Variants in EPB41L1 observed in about 807,000 individuals in gnomAD.
EPB41L1 encodes erythrocyte membrane protein band 4.1 like 1.
In EPB41L1, 29 loss-of-function variants were observed where a neutral mutation model predicts 97.8. The ratio of observed to expected loss-of-function variants is 0.30; its 90% CI spans 0.22 to 0.40. The LOEUF (loss-of-function observed/expected upper bound fraction) is 0.40, where lower values mean the gene tolerates loss of function less well. Among genes scored for constraint, EPB41L1 ranks in the 10% least tolerant of loss-of-function variants. EPB41L1 has a pLI of 1.00. For missense variants in EPB41L1, 812 were observed against 1,162.3 expected, an observed-to-expected ratio of 0.70 and a Z score of 4.38; for synonymous variants, 383 against 459.2, an observed-to-expected ratio of 0.83 and a Z score of 2.12.
rs2064435316 is a variant in EPB41L1, at chr20:36,230,321, T to C, written c.*981T>C. The C allele has an allele frequency of 6.6e-6, 1 of 152,562 alleles. No homozygotes were observed. The highest frequency in any genetic ancestry group is 1.5e-5 in the Non-Finnish European group (1 of 68,040). The allele number at this position is 152,562 out of a possible 1,614,324, so 9.5% of individuals were successfully genotyped here. On this transcript the variant is annotated 3_prime_UTR_variant, in exon 22 of 22. Transcript: ENST00000338074. Reference sequence around the variant, plus strand: ...CAGGAAAAAATATTAAAATAAACAGTGCTGGTAAGTATGAAGCTGACATTC... The same window carrying C: ...CAGGAAAAAATATTAAAATAAACAGCGCTGGTAAGTATGAAGCTGACATTC...
intron 6 of EPB41L1, among the ~76,000 whole-genome samples, chr20:36,184,314 T>C (rs1473353611): frequency 6.6e-6 from 1 of 152,066 alleles, no homozygotes; most frequent in Non-Finnish European, 1.5e-5. Context: ...GGAGGCATCG[T>C]TGGCTAAAAA....
At chr20:36,111,084 C>G (rs1363940330) in intron 1 of EPB41L1, among the ~76,000 whole-genome samples, 6 of 152,162 alleles carry the variant, frequency 3.9e-5, no homozygotes, top group Admixed American at 3.9e-4. Flanking sequence ...CTGAGCTGTT[C>G]ACAGGCATCA....
intron 1 of EPB41L1, among the ~76,000 whole-genome samples, chr20:36,098,465 T>C (rs1006671624): frequency 2.0e-5 from 3 of 152,216 alleles, no homozygotes; most frequent in Non-Finnish European, 4.4e-5. Context: ...ATCTGTTTCC[T>C]GCCTTTCTCC....
intron 5 of EPB41L1, among the ~76,000 whole-genome samples, chr20:36,181,935 C>T (rs1377489627): frequency 6.6e-6 from 1 of 152,164 alleles, no homozygotes; most frequent in Admixed American, 6.5e-5. Context: ...GTGTCTTCAT[C>T]TATAAAATGG....
At chr20:36,105,475 C>CG (rs1360870699) in intron 1 of EPB41L1, among the ~76,000 whole-genome samples, 1 of 152,124 alleles carries the variant, frequency 6.6e-6, no homozygotes, top group African/African-American at 2.4e-5. Context: ...GCCCATTGAG[C>CG]GGGCCTGTTT....
Position 36,232,314 on chromosome 20 carries a change from T to G in EPB41L1, c.*2974T>G. ...TAGTGGAAAAAGTCCCTGAGGGCGG[T>G]TAGGAGTTCTGGGTGACCATCCTGG... On this transcript the variant is annotated 3_prime_UTR_variant, in exon 22 of 22. Transcript: ENST00000338074. 1 of 305,284 alleles carries G rather than the reference T, an allele frequency of 3.3e-6. No homozygotes were observed. The highest frequency in any genetic ancestry group is 6.0e-6 in the Non-Finnish European group (1 of 167,946). The allele number at this position is 305,284 out of a possible 1,614,324, so 18.9% of individuals were successfully genotyped here. A position where few individuals can be genotyped will look rare whatever the true frequency, so the allele number is the denominator to read the frequency against.
In EPB41L1 at chr20:36,092,046, T is replaced by A. The variant is rs574596749; in HGVS notation, c.-65+434T>A. Among the ~76,000 whole-genome samples, 1 of 152,056 alleles carries A rather than the reference T, an allele frequency of 6.6e-6. No homozygotes were observed. The highest frequency in any genetic ancestry group is 2.4e-5 in the African/African-American group (1 of 41,416). ...ATCCCAGAGCCAGGGACTCAGCCCT[T>A]GGAGAGTCCCCAGAGAGTCCAGAGG... On this transcript the variant is annotated intron_variant, in intron 1 of 19. Transcript: ENST00000202028. The surrounding 1 kb of genome is among the most constrained non-coding windows in gnomAD (Gnocchi z 7.0).
chr20:36,223,954 C>T (rs1225637540), intron 21 of EPB41L1, among the ~76,000 whole-genome samples: 1 of 152,162 alleles, frequency 6.6e-6, no homozygotes, highest in Non-Finnish European at 1.5e-5. Flanking sequence ...TTGCCCTTTT[C>T]CTTGAATGAA....
At chr20:36,115,951 C>A (rs1306479177) in intron 2 of EPB41L1, among the ~76,000 whole-genome samples, 3 of 152,034 alleles carry the variant, frequency 2.0e-5, no homozygotes, top group Admixed American at 6.6e-5. Flanking sequence ...TGTTATTGTC[C>A]CCATTTTCCA....
intron 2 of EPB41L1, among the ~76,000 whole-genome samples, chr20:36,118,641 C>T (rs1444682563): frequency 2.0e-5 from 3 of 151,912 alleles, no homozygotes; most frequent in South Asian, 2.1e-4. Flanking sequence ...CATTTTATGG[C>T]GTATGAATTA....
intron 2 of EPB41L1, chr20:36,125,510 A>G: frequency 6.7e-7 from 1 of 1,497,520 alleles, no homozygotes; most frequent in Middle Eastern, 1.7e-4. Flanking sequence ...CCTAGCACCT[A>G]CTGAGCGCTC....
rs533056684 is a variant in EPB41L1 at position 36,225,704 on chromosome 20, T to C, written c.2637+3310T>C. Among the ~76,000 whole-genome samples, 109 of 152,084 alleles carry C rather than the reference T, an allele frequency of 7.2e-4. 2 individuals are homozygous for C. The highest frequency in any genetic ancestry group is 1.2e-3 in the Admixed American group (19 of 15,258). On this transcript the variant is annotated intron_variant, in intron 21 of 21. Coordinates refer to ENST00000338074, the MANE Select transcript of EPB41L1 (RefSeq NM_012156.2). ...GCTTTCCTGGGGTATCTGTTGTGCT[T>C]TTCTCATCTCTTCTCCATTCCCTCT...
intron 14 of EPB41L1, among the ~76,000 whole-genome samples, chr20:36,198,842 C>G (rs1282819700): frequency 6.6e-6 from 1 of 152,138 alleles, no homozygotes; most frequent in Non-Finnish European, 1.5e-5. Context: ...TGAATTCTGG[C>G]TCCGCTGCCT....
chr20:36,195,433 A>C lies in EPB41L1; in HGVS notation c.1485+69A>C. 1 of 1,562,844 alleles carries C rather than the reference A, an allele frequency of 6.4e-7. No homozygotes were observed. Among genetic ancestry groups the C allele is most frequent in the Non-Finnish European group, 8.8e-7 (1 of 1,134,122 alleles). Reference sequence around the variant, plus strand: ...CCTAGCTCATTTGTCACCATCCCACAGTCCATCCCAGGCTCACTTCCCTGG... The same window carrying C: ...CCTAGCTCATTTGTCACCATCCCACCGTCCATCCCAGGCTCACTTCCCTGG... On this transcript the variant is annotated intron_variant, in intron 13 of 21. Transcript: ENST00000338074. The surrounding 1 kb of genome is among the most constrained non-coding windows in gnomAD (Gnocchi z 4.6).
chr20:36,106,864 C>A (rs951213060), intron 1 of EPB41L1, among the ~76,000 whole-genome samples: 7 of 152,212 alleles, frequency 4.6e-5, no homozygotes, highest in African/African-American at 1.7e-4. Context: ...GGCTGGAGTG[C>A]AGTGGCACAA....
chr20:36,141,751 T>C (rs1484062411), intron 2 of EPB41L1, among the ~76,000 whole-genome samples: 1 of 152,226 alleles, frequency 6.6e-6, no homozygotes, highest in Non-Finnish European at 1.5e-5. Flanking sequence ...CAACGTCTGG[T>C]AACATGTTTT....
intron 20 of EPB41L1, 139 bp downstream of exon 20, chr20:36,222,083 C>A (rs2063816018): frequency 9.5e-7 from 1 of 1,057,604 alleles, no homozygotes; most frequent in Admixed American, 1.8e-5. Context: ...TAAGAAACCC[C>A]CAAGAGAGGG....
Position 36,212,276 on chromosome 20 carries a change from T to C in EPB41L1, c.2084T>C (p.Val695Ala). 1 of 1,614,138 alleles carries C rather than the reference T, an allele frequency of 6.2e-7. No homozygotes were observed. The highest frequency in any genetic ancestry group is 1.1e-5 in the South Asian group (1 of 91,086). The change falls in exon 16 of 22, where the codon GTG becomes GCG. Residue 695 changes from valine (V) to alanine (A), a missense_variant. By Grantham distance (64) the Val-to-Ala change is moderately conservative. Coordinates refer to ENST00000338074, the MANE Select transcript of EPB41L1 (RefSeq NM_012156.2). The surrounding 1 kb of genome is among the most constrained non-coding windows in gnomAD (Gnocchi z 4.8). ...TTCTCCCTCCTTTTCCTACAGCCCG[T>C]GAAAACAGAAACCATGACTGTCAGC... The part of the protein sequence containing the change: ...STPDMPQFEP[V>A]KTETMTVSSL...
At position 36,212,646 on chromosome 20, in the gene EPB41L1, C is replaced by T. The variant is rs765042724; in HGVS notation, c.2184+270C>T. On this transcript the variant is annotated intron_variant, in intron 16 of 21. Transcript: ENST00000338074. The surrounding 1 kb of genome is among the most constrained non-coding windows in gnomAD (Gnocchi z 4.8). Reference sequence around the variant, plus strand: ...AAAATGGGAATGACCCTGTCTACCCCTTCCTCCTGGGCATATTGGGAGGAC... The same window carrying T: ...AAAATGGGAATGACCCTGTCTACCCTTTCCTCCTGGGCATATTGGGAGGAC... 6.6e-6 allele frequency among the ~76,000 whole-genome samples: 1 copy of T among 152,220 alleles called. No homozygotes were observed. Among genetic ancestry groups the T allele is most frequent in the Non-Finnish European group, 1.5e-5 (1 of 68,040 alleles).
Sources: gnomAD v4.1 joint callset for allele counts (sites outside exome capture counted in the v4.1 genomes callset) on GRCh38, gnomAD v4.1.1 for gene constraint, Gnocchi (gnomAD v3.1) non-coding constraint, MANE v1.5 for transcripts, NCBI Gene and HGNC (gene_info 2026-07-23, HGNC 2026-07-21) for gene names.